THNSL1: variants seen among roughly 807,000 people sequenced by gnomAD.
THNSL1 encodes the protein threonine synthase like 1.
In THNSL1, 48 loss-of-function variants were observed where a neutral mutation model predicts 50.4. The observed-to-expected ratio is 0.95, with a 90% CI of 0.76 to 1.21. The LOEUF (loss-of-function observed/expected upper bound fraction) is 1.21. Among genes scored for constraint, THNSL1 ranks in the 50% most tolerant of loss-of-function variants. The pLI is 0.00. For missense variants in THNSL1, 896 were observed against 871.7 expected (o/e 1.03, Z -0.35); for synonymous variants, 309 against 306.1 (o/e 1.01, Z -0.10).
At chr10:24,954,424 G>A in the THNSL1 span, among the ~76,000 whole-genome samples, 1 of 152,012 alleles carries the variant, frequency 6.6e-6, no homozygotes, top group Non-Finnish European at 1.5e-5. Context: ...GGGCCAGATT[G>A]GGGGGTACCA....
chr10:25,025,971 C>G lies in THNSL1; in HGVS notation c.*516C>G. ...TCAGCTCACTGCAACCTCCGCCTCC[C>G]AGGTTCAAGTGATTCTCCTGCCTCA... On this transcript the variant is annotated 3_prime_UTR_variant, in exon 3 of 3. Transcript: ENST00000376356. The G allele has an allele frequency of 6.4e-6, 1 of 156,756 alleles. No homozygotes were observed. The highest frequency in any genetic ancestry group is 1.5e-5 in the Non-Finnish European group (1 of 68,704). The allele number at this position is 156,756 out of a possible 1,614,324, so 9.7% of individuals were successfully genotyped here. A position where few individuals can be genotyped will look rare whatever the true frequency, so the allele number is the denominator to read the frequency against.
upstream of THNSL1, among the ~76,000 whole-genome samples, chr10:25,015,165 G>C (rs936310477): frequency 6.6e-6 from 1 of 152,280 alleles, no homozygotes; most frequent in South Asian, 2.1e-4. Context: ...CTACAGATGG[G>C]AGTAACTGAA....
the THNSL1 span, among the ~76,000 whole-genome samples, chr10:24,991,539 G>T: frequency 1.3e-5 from 2 of 152,114 alleles, no homozygotes; most frequent in Non-Finnish European, 2.9e-5. Flanking sequence ...CCAGCATGCC[G>T]GCAGGCCATC....
Position 25,025,319 on chromosome 10 carries a change from A to G in THNSL1, c.2096A>G (p.Asn699Ser), listed in dbSNP as rs1850827407. 3 of 1,614,186 alleles carry G rather than the reference A, an allele frequency of 1.9e-6. No individual in the cohort carries two copies. Among genetic ancestry groups the G allele is most frequent in the Non-Finnish European group, 1.7e-6 (2 of 1,180,036 alleles). ...SSQLYLLGSY[N>S]ALPPLHEALL... ...CAGCTCTATTTGCTGGGTTCATACA[A>G]TGCATTACCTCCACTGCATGAGGCT... The change falls in exon 3 of 3, where the codon AAT (asparagine) becomes AGT (serine). Residue 699 changes from asparagine to serine, a missense_variant. Coordinates refer to ENST00000376356, the MANE Select transcript of THNSL1 (RefSeq NM_024838.5).
At chr10:24,969,567 G>C in the THNSL1 span, among the ~76,000 whole-genome samples, 1 of 152,116 alleles carries the variant, frequency 6.6e-6, no homozygotes, top group African/African-American at 2.4e-5. Flanking sequence ...AATTCACAGA[G>C]AGCAGTGAAT....
At chr10:25,005,463 A>AT in the THNSL1 span, among the ~76,000 whole-genome samples, 2,905 of 151,834 alleles carry the variant, frequency 0.019, 97 homozygotes, top group African/African-American at 0.066. Flanking sequence ...CTTAATTGAG[A>AT]TTTTTTTTTC....
chr10:25,024,499 GAAAA>G lies in THNSL1; in HGVS notation c.1277_1280del (p.Glu426ValfsTer18). The G allele has an allele frequency of 6.2e-7, 1 of 1,614,212 alleles. No homozygotes were observed. On this transcript the variant is annotated frameshift_variant, in exon 3 of 3. Transcript: ENST00000376356. LOFTEE classifies it high-confidence loss of function. ...AGCACAAATAATTGGCAGTCAGAGA[GAAAA>G]TGGATGGGCAGTGGGTGTTGAGTCA...
intron 1 of THNSL1, among the ~76,000 whole-genome samples, chr10:25,017,433 T>C (rs1367609054): frequency 6.6e-6 from 1 of 152,042 alleles, no homozygotes; most frequent in Admixed American, 6.5e-5. Context: ...AAATAAAGCT[T>C]CCCGGAGAGG....
At chr10:24,967,575 G>A in the THNSL1 span, among the ~76,000 whole-genome samples, 1 of 152,046 alleles carries the variant, frequency 6.6e-6, no homozygotes, top group Non-Finnish European at 1.5e-5. Context: ...CTTTTCATCA[G>A]TCTCGCTGTA....
At position 25,025,784 on chromosome 10, in the gene THNSL1, A is replaced by G; in HGVS notation, c.*329A>G. The G allele has an allele frequency of 4.5e-6, 1 of 222,438 alleles. No individual in the cohort carries two copies. Among genetic ancestry groups the G allele is most frequent in the Non-Finnish European group, 9.7e-6 (1 of 103,210 alleles). The allele number at this position is 222,438 out of a possible 1,614,324, so 13.8% of individuals were successfully genotyped here. A position where few individuals can be genotyped will look rare whatever the true frequency, so the allele number is the denominator to read the frequency against. On this transcript the variant is annotated 3_prime_UTR_variant, in exon 3 of 3. Transcript: ENST00000376356. The stretch of plus-strand genomic sequence containing the variant: ...TCTGGTATACTATTTGGCGATTAAA[A>G]TATTTAAGCCCAGTTTTCAGGTACT...
chr10:25,002,977 C>T, the THNSL1 span, among the ~76,000 whole-genome samples: 1 of 151,654 alleles, frequency 6.6e-6, no homozygotes, highest in East Asian at 1.9e-4. Flanking sequence ...ACCCATGATT[C>T]AATATATTTT....
chr10:25,021,189 A>G (rs1251861852), intron 1 of THNSL1, among the ~76,000 whole-genome samples: 2 of 152,242 alleles, frequency 1.3e-5, no homozygotes, highest in African/African-American at 4.8e-5. Context: ...AGTGAGTGAC[A>G]ATGATTAATC....
the THNSL1 span, chr10:24,984,878 G>A: frequency 5.0e-6 from 8 of 1,613,138 alleles, no homozygotes; most frequent in Non-Finnish European, 5.9e-6. Context: ...AATTCTTTAT[G>A]CACCTCTTCC....
At chr10:24,976,478 T>C in the THNSL1 span, among the ~76,000 whole-genome samples, 2 of 152,172 alleles carry the variant, frequency 1.3e-5, 1 homozygote, top group East Asian at 3.9e-4. Flanking sequence ...TATAAAGCAT[T>C]CTTTTTTCTT....
At chr10:24,960,475 T>C in the THNSL1 span, among the ~76,000 whole-genome samples, 1 of 152,116 alleles carries the variant, frequency 6.6e-6, no homozygotes, top group Non-Finnish European at 1.5e-5. Context: ...TTTCTCAGGC[T>C]GGAGTGCATG....
chr10:25,016,101 CCT>C, upstream of THNSL1: 2 of 1,300,972 alleles, frequency 1.5e-6, no homozygotes, highest in Non-Finnish European at 2.0e-6. Context: ...TCTTAGCAGT[CCT>C]CTCTCGGGAA....
the THNSL1 span, among the ~76,000 whole-genome samples, chr10:24,970,433 G>C: frequency 6.6e-6 from 1 of 152,150 alleles, no homozygotes; most frequent in Admixed American, 6.5e-5. Flanking sequence ...ATCCAGGAAG[G>C]GTGTGGTGAC....
At chr10:25,000,457 A>T in the THNSL1 span, among the ~76,000 whole-genome samples, 1 of 152,120 alleles carries the variant, frequency 6.6e-6, no homozygotes, top group African/African-American at 2.4e-5. Context: ...TCTTCTTTCA[A>T]TTAAAATAGT....
the THNSL1 span, among the ~76,000 whole-genome samples, chr10:24,962,150 T>C: frequency 6.6e-6 from 1 of 152,234 alleles, no homozygotes; most frequent in Non-Finnish European, 1.5e-5. Context: ...AGCTTCATCA[T>C]GTAGATGAGC....
Sources: gnomAD v4.1 joint callset for allele counts (sites outside exome capture counted in the v4.1 genomes callset) on GRCh38, gnomAD v4.1.1 for gene constraint, MANE v1.5 for transcripts, NCBI Gene and HGNC (gene_info 2026-07-23, HGNC 2026-07-21) for gene names.